Variants in ACADVL observed in about 807,000 individuals in gnomAD.
ACADVL encodes very long-chain acyl-CoA dehydrogenase, mitochondrial.
ACADVL carries 73 observed loss-of-function variants against 80.4 expected under a neutral mutation model. The observed-to-expected ratio is 0.91, with a 90% CI of 0.75 to 1.10. The LOEUF (loss-of-function observed/expected upper bound fraction) is 1.10. Among genes scored for constraint, ACADVL ranks in the 50% least tolerant of loss-of-function variants. The probability of loss-of-function intolerance (pLI) is 0.00; values close to 1 mark genes in which losing one functional copy is unlikely to be tolerated. For synonymous variants in ACADVL, 392 were observed against 326.5 expected (o/e 1.20, Z -2.16); for missense variants, 878 against 858.9 (o/e 1.02, Z -0.28).
upstream of ACADVL, chr17:7,219,247 CAGG>C (rs564778960): frequency 4.9e-4 from 188 of 387,608 alleles, no homozygotes; most frequent in Middle Eastern, 3.3e-3. Flanking sequence ...GGGTAAGAGG[CAGG>C]AGAATTCCTG....
At chr17:7,223,923 G>A (rs974878045) in intron 13 of ACADVL, 45 bp from the exon 14 acceptor site, 4 of 1,613,574 alleles carry the variant, frequency 2.5e-6, no homozygotes, top group Non-Finnish European at 3.4e-6. Flanking sequence ...GGGGTGGGTA[G>A]GCACATCTCA....
At chr17:7,222,615 C>T in intron 9 of ACADVL, 52 bp from the exon 10 acceptor site, 1 of 1,536,878 alleles carries the variant, frequency 6.5e-7, no homozygotes, top group Non-Finnish European at 8.9e-7. Context: ...GTTTTTCCCC[C>T]AGTGACAACC....
chr17:7,222,440 T>C (rs1261174750), intron 9 of ACADVL, 138 bp downstream of exon 9: 2 of 1,340,316 alleles, frequency 1.5e-6, no homozygotes, highest in Middle Eastern at 2.6e-4. Context: ...GGGACTAATA[T>C]GTATGCAACT....
At position 7,220,995 on chromosome 17, in the gene ACADVL, G is replaced by A. The variant is rs767727881; in HGVS notation, c.414G>A (p.Glu138=). ...VEETTWQGLK[E]LGAFGLQVPS... ...AGACCACTTGGCAGGGCCTCAAGGA[G>A]CTGGGGGCCTTTGGTCTGCAAGTGC... Residue 138 remains glutamate (E), a synonymous_variant, in exon 6 of 20, where the codon GAG becomes GAA. Transcript: ENST00000356839. 6 of 1,614,106 alleles carry A rather than the reference G, an allele frequency of 3.7e-6. No individual in the cohort carries two copies. In the South Asian group the frequency reaches 6.6e-5, roughly 18 times the overall value.
rs2142965181 is a variant in ACADVL at position 7,220,594 on chromosome 17, C to T, written c.205-10C>T. The stretch of plus-strand genomic sequence containing the variant: ...AACCAGAGCCCTGAAATTTGCCTCT[C>T]TCTGCCCAGGAATCTAAGTCCTTTG... On this transcript the variant is annotated splice_polypyrimidine_tract_variant and intron_variant, in intron 3 of 19. Coordinates refer to ENST00000356839, the MANE Select transcript of ACADVL (RefSeq NM_000018.4). 5 of 1,614,246 alleles carry T rather than the reference C, an allele frequency of 3.1e-6. No individual in the cohort carries two copies. The highest frequency in any genetic ancestry group is 4.2e-6 in the Non-Finnish European group (5 of 1,180,052).
rs755432945 is a variant in ACADVL, at chr17:7,224,017, T to C, written c.1382T>C (p.Phe461Ser). 3.1e-6 allele frequency: 5 copies of C among 1,614,124 alleles called. No homozygotes were observed. The highest frequency in any genetic ancestry group is 4.2e-6 in the Non-Finnish European group (5 of 1,180,024). The change falls in exon 14 of 20, where the codon TTT becomes TCT. Residue 461 changes from phenylalanine (F) to serine (S), a missense_variant. Transcript: ENST00000356839. ...CGAGATCTTCGCATCTTCCGGATCT[T>C]TGAGGGGACAAATGACATTCTTCGG... ...VLRDLRIFRI[F>S]EGTNDILRLF...
At chr17:7,221,176 G>C in intron 6 of ACADVL, 118 bp downstream of exon 6, 2 of 1,539,418 alleles carry the variant, frequency 1.3e-6, no homozygotes, top group South Asian at 2.3e-5. Flanking sequence ...TGCCCTGGGT[G>C]CCTGTGGGAT....
Position 7,225,010 on chromosome 17 carries a change from G to C in ACADVL, c.1881G>C (p.Gln627His), listed in dbSNP as rs931018661. ...CCGCCCTGCAGTCTGACCCCTGGCA[G>C]CAAGAGCTCTACCGCAACTTCAAAA... ...GMAALQSDPW[Q>H]QELYRNFKSI... The change falls in exon 20 of 20, where the codon CAG (glutamine) becomes CAC (histidine). Residue 627 changes from glutamine to histidine, a missense_variant. Gln to His is a conservative substitution (Grantham distance 24). Coordinates refer to ENST00000356839, the MANE Select transcript of ACADVL (RefSeq NM_000018.4). The C allele has an allele frequency of 1.9e-6, 3 of 1,613,994 alleles. No homozygotes were observed. The highest frequency in any genetic ancestry group is 2.5e-6 in the Non-Finnish European group (3 of 1,180,044).
At chr17:7,217,641 G>A, upstream of ACADVL, 2 of 1,348,922 alleles carry the variant, frequency 1.5e-6, no homozygotes, top group East Asian at 2.7e-5. Context: ...GAGGAAGCAG[G>A]GGGAGGGAGG....
At chr17:7,224,916 G>A (rs1390473056) in intron 19 of ACADVL, 32 bp downstream of exon 19, 1 of 1,613,942 alleles carries the variant, frequency 6.2e-7, no homozygotes, top group African/African-American at 1.3e-5. Context: ...CTCAGGTGAG[G>A]GCTGGAGGTG....
Position 7,223,973 on chromosome 17 carries a change from T to C in ACADVL, c.1338T>C (p.Pro446=), listed in dbSNP as rs2142985783. The change falls in exon 14 of 20, where the codon CCT becomes CCC. Residue 446 remains proline, a synonymous_variant. Coordinates refer to ENST00000356839, the MANE Select transcript of ACADVL (RefSeq NM_000018.4). ...TTTGTGTGGCCCTGTGCTAGGAACC[T>C]GGAGTAGAGCGTGTGCTCCGAGATC... ...IMGGMGFMKE[P]GVERVLRDLR... 1 of 1,614,056 alleles carries C rather than the reference T, an allele frequency of 6.2e-7. No individual in the cohort carries two copies. Among genetic ancestry groups the C allele is most frequent in the Non-Finnish European group, 8.5e-7 (1 of 1,180,018 alleles).
At chr17:7,222,594 G>C in intron 9 of ACADVL, 73 bp from the exon 10 acceptor site, 2 of 1,446,074 alleles carry the variant, frequency 1.4e-6, no homozygotes, top group Non-Finnish European at 1.9e-6. Context: ...TGCATAAGGA[G>C]CGAAGGAGCA....
At position 7,223,706 on chromosome 17, in the gene ACADVL, C is replaced by T. The variant is rs1481416358; in HGVS notation, c.1245C>T (p.Ala415=). ...GAGCCACGGACTTCCAGATAGAGGCCGCCATCAGCAAAATCTTTGGCTCGG... is the reference window on the plus strand; with the variant it reads ...GAGCCACGGACTTCCAGATAGAGGCTGCCATCAGCAAAATCTTTGGCTCGG... ...DQGATDFQIE[A]AISKIFGSEA... The change falls in exon 12 of 20, where the codon GCC becomes GCT. Residue 415 remains alanine, a synonymous_variant. Transcript: ENST00000356839. 6.2e-6 allele frequency: 10 copies of T among 1,613,984 alleles called. No homozygotes were observed. The highest frequency in any genetic ancestry group is 1.7e-5 in the Admixed American group (1 of 60,004).
upstream of ACADVL, chr17:7,217,637 G>A: frequency 1.7e-6 from 2 of 1,202,504 alleles, no homozygotes; most frequent in Non-Finnish European, 2.3e-6. Context: ...GAGAGAGGAA[G>A]CAGGGGGAGG....
At position 7,220,194 on chromosome 17, in the gene ACADVL, T is replaced by C; in HGVS notation, c.135T>C (p.Ala45=). Residue 45 remains alanine, a synonymous_variant, in exon 2 of 20, where the codon GCT becomes GCC. Transcript: ENST00000356839. ...GGCGGCCCTATGCCGGGGGTGCCGC[T>C]CAGGTAAGTCACCGCAGCCTTGGCA... ...PARRPYAGGA[A]QLALDKSDSH... is the part of the protein sequence containing the mutation. The C allele has an allele frequency of 6.5e-7, 1 of 1,532,260 alleles. No homozygotes were observed. The highest frequency in any genetic ancestry group is 8.7e-7 in the Non-Finnish European group (1 of 1,145,504). 94.9% of individuals were successfully genotyped at this position (1,532,260 alleles called of 1,614,324 possible). A position where few individuals can be genotyped will look rare whatever the true frequency, so the allele number is the denominator to read the frequency against.
upstream of ACADVL, chr17:7,218,168 T>C: frequency 7.4e-7 from 1 of 1,342,752 alleles, no homozygotes; most frequent in Non-Finnish European, 1.0e-6. Context: ...CAGGTAATAT[T>C]AGTGATATTT....
Position 7,223,630 on chromosome 17 carries a change from C to G in ACADVL, c.1183-14C>G. On this transcript the variant is annotated splice_polypyrimidine_tract_variant and intron_variant, in intron 11 of 19. Coordinates refer to ENST00000356839, the MANE Select transcript of ACADVL (RefSeq NM_000018.4). ...TGCAATTTTCCTTCCCATGTCCCAA[C>G]TATGCAACCTCAGTCCATGGCTTAC... is the stretch of plus-strand genomic sequence containing the variant. 6.2e-7 allele frequency: 1 copy of G among 1,614,036 alleles called. No individual in the cohort carries two copies. Among genetic ancestry groups the G allele is most frequent in the Non-Finnish European group, 8.5e-7 (1 of 1,179,952 alleles).
In ACADVL at chr17:7,221,896, C is replaced by T. The variant is rs764677627; in HGVS notation, c.623-56C>T. ...CTGCTGGAGGGATGGGGAAGTGGGC[C>T]GAGGGGACTTTGAAGCTCATCAGAA... On this transcript the variant is annotated intron_variant, in intron 7 of 19. Coordinates refer to ENST00000356839, the MANE Select transcript of ACADVL (RefSeq NM_000018.4). 114 of 1,613,096 alleles carry T rather than the reference C, an allele frequency of 7.1e-5. No individual in the cohort carries two copies. In the East Asian group the frequency reaches 1.1e-3, roughly 15 times the overall value.
intron 11 of ACADVL, 76 bp from the exon 12 acceptor site, chr17:7,223,568 A>G: frequency 6.7e-7 from 1 of 1,495,662 alleles, no homozygotes; most frequent in Non-Finnish European, 9.3e-7. Context: ...CTTATCTTGG[A>G]GATCTGGGTG....
Sources: allele counts gnomAD v4.1 joint callset, GRCh38; gene constraint gnomAD v4.1.1; transcripts MANE v1.5; gene names NCBI Gene and HGNC (gene_info 2026-07-23, HGNC 2026-07-21).